Variants in SCAI observed in about 807,000 individuals in gnomAD.
The protein encoded by SCAI is suppressor of cancer cell invasion, also known as protein SCAI.
A neutral mutation model predicts 92.2 loss-of-function variants in SCAI; 24 were observed. That is an observed-to-expected ratio of 0.26 (90% CI 0.19 to 0.37). SCAI has a LOEUF of 0.37. SCAI is among the 10% of genes least tolerant of loss of function. The pLI is 1.00. For synonymous variants in SCAI, 261 were observed against 258.6 expected (o/e 1.01, Z -0.09); for missense variants, 450 against 736.2 (o/e 0.61, Z 4.50).
intron 17 of SCAI, among the ~76,000 whole-genome samples, chr9:124,961,009 G>A (rs950325231): frequency 6.6e-6 from 1 of 151,930 alleles, no homozygotes; most frequent in Admixed American, 6.6e-5. Context: ...GGTGGTCCCA[G>A]CTATTCAGGA....
intron 2 of SCAI, among the ~76,000 whole-genome samples, chr9:125,103,929 A>G (rs1034762237): frequency 5.9e-5 from 9 of 152,168 alleles, no homozygotes; most frequent in African/African-American, 2.2e-4. Flanking sequence ...CCCATTCCAG[A>G]CAGATGGGTA....
At position 125,053,736 on chromosome 9, in the gene SCAI, G is replaced by A. The variant is rs541797615; in HGVS notation, c.230+2140C>T. Among the ~76,000 whole-genome samples, 68 of 152,248 alleles carry A rather than the reference G, an allele frequency of 4.5e-4. 1 individual carries two copies. Among genetic ancestry groups the A allele is most frequent in the African/African-American group, 1.6e-3 (66 of 41,544 alleles). ...GATTAAAATGATCTAAAATTAAACC[G>A]TACTAACAGCTGCACAACTCTGCAA... On this transcript the variant is annotated intron_variant, in intron 3 of 17. Transcript: ENST00000336505.
intron 14 of SCAI, among the ~76,000 whole-genome samples, chr9:124,978,396 G>A (rs1014353990): frequency 3.9e-5 from 6 of 152,238 alleles, no homozygotes; most frequent in East Asian, 1.9e-4. Flanking sequence ...AGCCAAGATC[G>A]CACCACTGCA....
intron 3 of SCAI, among the ~76,000 whole-genome samples, chr9:125,043,502 C>G (rs1474515749): frequency 1.3e-5 from 2 of 152,216 alleles, no homozygotes; most frequent in Non-Finnish European, 2.9e-5. Flanking sequence ...CTCTATTCCT[C>G]CAGGCCGGTG....
intron 2 of SCAI, among the ~76,000 whole-genome samples, chr9:125,104,308 T>G (rs561446924): frequency 2.0e-5 from 3 of 152,202 alleles, no homozygotes; most frequent in Non-Finnish European, 2.9e-5. Flanking sequence ...GATGCATACA[T>G]GTTTCACGGA....
rs148211568 is a variant in SCAI at position 125,083,240 on chromosome 9, G to T, written c.99-27233C>A. On this transcript the variant is annotated intron_variant, in intron 2 of 17. Transcript: ENST00000336505. ...CCATGTAAGATGTGACTTGCAGGCC[G>T]GGCATGGTGGCTCATGCCTGTAATC... Among the ~76,000 whole-genome samples the T allele has an allele frequency of 8.1e-4, 123 of 152,202 alleles. 3 individuals carry two copies. In the East Asian group the frequency reaches 0.02, roughly 25 times the overall value.
chr9:125,137,494 A>C (rs1835565266), intron 2 of SCAI, among the ~76,000 whole-genome samples: 1 of 152,248 alleles, frequency 6.6e-6, no homozygotes, highest in Admixed American at 6.5e-5. Context: ...TTTACCTCTG[A>C]ATCAAGCCAA....
At chr9:125,072,994 C>T (rs1331116457) in intron 2 of SCAI, among the ~76,000 whole-genome samples, 1 of 149,934 alleles carries the variant, frequency 6.7e-6, no homozygotes, top group Non-Finnish European at 1.5e-5. Context: ...CTGCTATGAA[C>T]ATGGGTATAC....
chr9:125,015,677 T>A lies in SCAI; in HGVS notation c.861+3122A>T, dbSNP rs1832743048. On this transcript the variant is annotated intron_variant, in intron 9 of 17. Coordinates refer to ENST00000336505, the MANE Select transcript of SCAI (RefSeq NM_001144877.3). The stretch of plus-strand genomic sequence containing the variant: ...CCATTTGACCCAGCCATCCCATTAC[T>A]GGGTATATACCCAATGGACTATAAA... Among the ~76,000 whole-genome samples, 3 of 152,174 alleles carry A rather than the reference T, an allele frequency of 2.0e-5. No individual in the cohort carries two copies. The South Asian group carries it at 6.2e-4, about 32-fold the overall frequency.
chr9:125,070,129 G>T (rs1833952830), intron 2 of SCAI, among the ~76,000 whole-genome samples: 1 of 152,116 alleles, frequency 6.6e-6, no homozygotes, highest in Non-Finnish European at 1.5e-5. Context: ...CAAAATTGTT[G>T]CAAATACACT....
rs1480478810 is a variant in SCAI, at chr9:125,126,428, A to T, written c.98+16205T>A. ...GTGTGTGTGTGTGTGTGTGTGAGAG[A>T]GAGAGAGAACACACATGCAAGGCAG... is the stretch of plus-strand genomic sequence containing the variant. On this transcript the variant is annotated intron_variant, in intron 2 of 17. Coordinates refer to ENST00000336505, the MANE Select transcript of SCAI (RefSeq NM_001144877.3). Among the ~76,000 whole-genome samples the T allele has an allele frequency of 2.6e-5, 4 of 151,886 alleles. No homozygotes were observed. The East Asian group carries it at 7.8e-4, about 30-fold the overall frequency.
At chr9:125,101,052 C>T (rs1344487421) in intron 2 of SCAI, among the ~76,000 whole-genome samples, 1 of 151,982 alleles carries the variant, frequency 6.6e-6, no homozygotes, top group East Asian at 1.9e-4. Context: ...CAGTGAGACC[C>T]CATCTCTTAA....
chr9:125,106,660 CAA>C (rs1200842983), intron 2 of SCAI, among the ~76,000 whole-genome samples: 1 of 150,674 alleles, frequency 6.6e-6, no homozygotes, highest in African/African-American at 2.4e-5. Flanking sequence ...CAATCTCTCT[CAA>C]AGAGAAATCA....
intron 2 of SCAI, among the ~76,000 whole-genome samples, chr9:125,077,239 T>C (rs1330663556): frequency 2.6e-5 from 4 of 152,238 alleles, no homozygotes; most frequent in African/African-American, 9.6e-5. Flanking sequence ...GAATAAACTT[T>C]TCCTCAAAGG....
intron 17 of SCAI, among the ~76,000 whole-genome samples, chr9:124,970,624 G>A (rs992235662): frequency 2.6e-5 from 4 of 152,072 alleles, no homozygotes; most frequent in African/African-American, 9.6e-5. Context: ...TTGGGAGTCT[G>A]AGCCAGGAGA....
intron 9 of SCAI, among the ~76,000 whole-genome samples, chr9:125,009,933 G>A (rs1049552499): frequency 1.3e-5 from 2 of 151,600 alleles, no homozygotes; most frequent in East Asian, 3.9e-4. Flanking sequence ...GAGGAGGCAC[G>A]CCTGTAATCC....
intron 2 of SCAI, among the ~76,000 whole-genome samples, chr9:125,126,589 T>TGTGTGTGAGA (rs10680873): frequency 7.0e-5 from 10 of 143,252 alleles, no homozygotes; most frequent in Non-Finnish European, 6.0e-5. Flanking sequence ...TGTGTGTGTG[T>TGTGTGTGAGA]GAGAGAGAGA....
At chr9:125,099,180 CAT>C (rs1564412507) in intron 2 of SCAI, among the ~76,000 whole-genome samples, 1 of 152,096 alleles carries the variant, frequency 6.6e-6, no homozygotes, top group Non-Finnish European at 1.5e-5. Flanking sequence ...AATACATATT[CAT>C]ATCCAGGAAA....
Position 125,061,255 on chromosome 9 carries a change from C to G in SCAI, c.99-5248G>C, listed in dbSNP as rs557006167. Among the ~76,000 whole-genome samples, 12 of 152,020 alleles carry G rather than the reference C, an allele frequency of 7.9e-5. No homozygotes were observed. In the East Asian group the frequency reaches 2.3e-3, roughly 30 times the overall value. On this transcript the variant is annotated intron_variant, in intron 2 of 17. Coordinates refer to ENST00000336505, the MANE Select transcript of SCAI (RefSeq NM_001144877.3). Reference sequence around the variant, plus strand: ...GAGCTTGTAATGAGCAGAGATCGCGCGACTGCACTCCAGCCTGGGCGATAC... The same window carrying G: ...GAGCTTGTAATGAGCAGAGATCGCGGGACTGCACTCCAGCCTGGGCGATAC...
Sources: gnomAD v4.1 joint callset for allele counts (sites outside exome capture counted in the v4.1 genomes callset) on GRCh38, gnomAD v4.1.1 for gene constraint, MANE v1.5 for transcripts, NCBI Gene and HGNC (gene_info 2026-07-23, HGNC 2026-07-21) for gene names.